Variants in SMIM28 observed in about 807,000 individuals in gnomAD.
The protein encoded by SMIM28 is small integral membrane protein 28.
intron 1 of SMIM28, among the ~76,000 whole-genome samples, chr6:138,379,972 T>C (rs141515154): frequency 7.3e-4 from 111 of 152,342 alleles, no homozygotes; most frequent in African/African-American, 2.5e-3. Context: ...AATATAAATT[T>C]AGTTATGCCA....
intron 1 of SMIM28, among the ~76,000 whole-genome samples, chr6:138,381,198 G>A (rs1315952767): frequency 6.6e-6 from 1 of 152,084 alleles, no homozygotes; most frequent in African/African-American, 2.4e-5. Context: ...GAGCCACTGA[G>A]CCTGGCCTAG....
chr6:138,379,613 C>T (rs1452690527), intron 1 of SMIM28, among the ~76,000 whole-genome samples: 2 of 152,064 alleles, frequency 1.3e-5, no homozygotes, highest in Middle Eastern at 6.8e-3. Context: ...GAGATAATAG[C>T]CAAAGCTATT....
chr6:138,382,401 A>G (rs866503968), intron 1 of SMIM28, 99 bp from the exon 2 acceptor site: 30,489 of 288,570 alleles, frequency 0.11, 1,756 homozygotes, highest in African/African-American at 0.31. Context: ...TGTCTCAAAA[A>G]AAAAAAAAAA....
rs1774331865 is a variant in SMIM28, at chr6:138,382,829, A to T, written c.441A>T (p.Gly147=). The change falls in exon 2 of 2, where the codon GGA becomes GGT. Residue 147 remains glycine (G), a synonymous_variant. Transcript: ENST00000573100. ...ATCCTCCTGGGGAGGAGGCCCAGGGATGCAGTCCTTCAGTATGAAAAGGGC... is the reference window on the plus strand; with the variant it reads ...ATCCTCCTGGGGAGGAGGCCCAGGGTTGCAGTCCTTCAGTATGAAAAGGGC... The part of the protein sequence containing the change: ...TRNPPGEEAQ[G]CSPSV 5.0e-6 allele frequency: 2 copies of T among 398,680 alleles called. No individual in the cohort carries two copies. The highest frequency in any genetic ancestry group is 6.3e-4 in the Middle Eastern group (1 of 1,588). The allele number at this position is 398,680 out of a possible 1,614,324, so 24.7% of individuals were successfully genotyped here.
At chr6:138,381,060 G>A (rs185922941) in intron 1 of SMIM28, among the ~76,000 whole-genome samples, 9 of 151,716 alleles carry the variant, frequency 5.9e-5, no homozygotes, top group Non-Finnish European at 8.8e-5. Flanking sequence ...CCACCACCAC[G>A]CCCTGCTAAT....
intron 1 of SMIM28, among the ~76,000 whole-genome samples, chr6:138,382,018 G>C (rs1774317944): frequency 6.6e-6 from 1 of 152,102 alleles, no homozygotes; most frequent in Non-Finnish European, 1.5e-5. Flanking sequence ...AAGCTCACTG[G>C]CATAAGTAAA....
At chr6:138,381,326 C>CT (rs1357867274) in intron 1 of SMIM28, among the ~76,000 whole-genome samples, 1 of 152,122 alleles carries the variant, frequency 6.6e-6, no homozygotes, top group African/African-American at 2.4e-5. Context: ...ACACTTGTTA[C>CT]TATATGCTTT....
intron 1 of SMIM28, among the ~76,000 whole-genome samples, chr6:138,380,766 C>CTAAATAAATAAATAAATAAATAAA (rs1412474659): frequency 4.2e-5 from 3 of 70,960 alleles, no homozygotes; most frequent in South Asian, 5.4e-4. Flanking sequence ...GACCCCGTCT[C>CTAAATAAATAAATAAATAAATAAA]TAAATAAATA....
At chr6:138,380,760 C>A (rs1265117870) in intron 1 of SMIM28, among the ~76,000 whole-genome samples, 2 of 102,536 alleles carry the variant, frequency 2.0e-5, no homozygotes, top group Non-Finnish European at 3.6e-5. Context: ...GAGCGAGACC[C>A]CGTCTCTAAA....
Position 138,379,180 on chromosome 6 carries a change from TTGTC to T in SMIM28, c.111+1000_111+1003del, listed in dbSNP as rs557966293. Among the ~76,000 whole-genome samples, 6 of 152,288 alleles carry T rather than the reference TTGTC, an allele frequency of 3.9e-5. No homozygotes were observed. In the East Asian group the frequency reaches 1.2e-3, roughly 29 times the overall value. On this transcript the variant is annotated intron_variant, in intron 1 of 1. Transcript: ENST00000573100. ...GCAAATTAAGGATACTGTAATGAAT[TTGTC>T]TGATAGCACTGGGCCTCTCTTAACT...
chr6:138,379,882 G>A (rs973622779), intron 1 of SMIM28, among the ~76,000 whole-genome samples: 1 of 151,982 alleles, frequency 6.6e-6, no homozygotes, highest in Admixed American at 6.5e-5. Context: ...TAAGAAAACC[G>A]AAGGAATTTA....
At chr6:138,378,342 G>C (rs1430958487) in intron 1 of SMIM28, among the ~76,000 whole-genome samples, 159 bp downstream of exon 1, 2 of 152,118 alleles carry the variant, frequency 1.3e-5, no homozygotes, top group African/African-American at 4.8e-5. Flanking sequence ...GGTCTAAAGG[G>C]GATAAATTGA....
intron 1 of SMIM28, among the ~76,000 whole-genome samples, chr6:138,380,488 C>T (rs1218289552): frequency 6.6e-6 from 1 of 152,120 alleles, no homozygotes; most frequent in East Asian, 1.9e-4. Context: ...CTGGCTAGGG[C>T]GGGGCGCAGT....
chr6:138,379,125 C>G (rs1419062271), intron 1 of SMIM28, among the ~76,000 whole-genome samples: 1 of 152,084 alleles, frequency 6.6e-6, no homozygotes, highest in Non-Finnish European at 1.5e-5. Flanking sequence ...TCCAACAATT[C>G]TAAGTAATAT....
At chr6:138,382,353 C>T (rs1407694281) in intron 1 of SMIM28, 147 bp from the exon 2 acceptor site, 12 of 375,936 alleles carry the variant, frequency 3.2e-5, no homozygotes, top group East Asian at 7.5e-5. Context: ...GCCAAGATTG[C>T]GCCATCGCAC....
In SMIM28 at chr6:138,378,076, C is replaced by T. The variant is rs1393524951; in HGVS notation, c.4C>T (p.Arg2Trp). The change falls in exon 1 of 2, where the codon CGG (arginine) becomes TGG (tryptophan). Residue 2 changes from arginine (R) to tryptophan (W), a missense_variant. By Grantham distance (101) the Arg-to-Trp change is moderately radical (BLOSUM62 -3). Transcript: ENST00000573100. MRGLLGSSWKKF... is the reference protein window; with the variant it reads MWGLLGSSWKKF... Reference sequence around the variant, plus strand: ...AGGGCATCAGCTGGATGAAAACATGCGGGGACTGCTGGGCAGCAGCTGGAA... The same window carrying T: ...AGGGCATCAGCTGGATGAAAACATGTGGGGACTGCTGGGCAGCAGCTGGAA... The T allele has an allele frequency of 1.3e-5, 5 of 398,728 alleles. No individual in the cohort carries two copies. The highest frequency in any genetic ancestry group is 3.6e-5 in the East Asian group (1 of 28,082). 24.7% of individuals were successfully genotyped at this position (398,728 alleles called of 1,614,324 possible).
Position 138,383,179 on chromosome 6 carries a change from A to C in SMIM28, c.*332A>C. On this transcript the variant is annotated 3_prime_UTR_variant, in exon 2 of 2. Coordinates refer to ENST00000573100, the MANE Select transcript of SMIM28 (RefSeq NM_001368163.3). ...GAGTTGAAAAAAAAAAAAACACTTA[A>C]TTACTAATGAGCACAGGAACAGGCT... is the stretch of plus-strand genomic sequence containing the variant. 1 of 173,072 alleles carries C rather than the reference A, an allele frequency of 5.8e-6. No individual in the cohort carries two copies. Among genetic ancestry groups the C allele is most frequent in the Non-Finnish European group, 1.2e-5 (1 of 82,208 alleles). 10.7% of individuals were successfully genotyped at this position (173,072 alleles called of 1,614,324 possible).
At chr6:138,380,450 T>C (rs1774298391) in intron 1 of SMIM28, among the ~76,000 whole-genome samples, 1 of 152,260 alleles carries the variant, frequency 6.6e-6, no homozygotes, top group African/African-American at 2.4e-5. Flanking sequence ...TAACAAAAGA[T>C]TATACAAACA....
chr6:138,380,541 G>A (rs1158549084), intron 1 of SMIM28, among the ~76,000 whole-genome samples: 2 of 152,188 alleles, frequency 1.3e-5, no homozygotes, highest in Non-Finnish European at 2.9e-5. Flanking sequence ...GCTGAGGTGG[G>A]CGGATCATGA....
Sources: gnomAD v4.1 joint callset for allele counts (sites outside exome capture counted in the v4.1 genomes callset) on GRCh38, gnomAD v4.1.1 for gene constraint, MANE v1.5 for transcripts, NCBI Gene and HGNC (gene_info 2026-07-23, HGNC 2026-07-21) for gene names.